Variants in GPLD1 observed in about 807,000 individuals in gnomAD.
GPLD1 encodes the protein phosphatidylinositol-glycan-specific phospholipase D.
GPLD1 carries 84 observed loss-of-function variants against 112.6 expected under a neutral mutation model. The ratio of observed to expected loss-of-function variants is 0.75; its 90% CI spans 0.63 to 0.89. The LOEUF (loss-of-function observed/expected upper bound fraction) is 0.89, where lower values mean the gene tolerates loss of function less well. GPLD1 is among the 40% of genes least tolerant of loss of function. The probability of loss-of-function intolerance (pLI) is 0.00; values close to 1 mark genes in which losing one functional copy is unlikely to be tolerated. For missense variants in GPLD1, 1,044 were observed against 1,051.5 expected (o/e 0.99, Z 0.10); for synonymous variants, 386 against 403.8 (o/e 0.96, Z 0.53).
At position 24,456,509 on chromosome 6, in the gene GPLD1, C is replaced by T. The variant is rs1139464; in HGVS notation, c.1137G>A (p.Ala379=). 12 of 1,606,160 alleles carry T rather than the reference C, an allele frequency of 7.5e-6. No individual in the cohort carries two copies. The highest frequency in any genetic ancestry group is 9.4e-6 in the Non-Finnish European group (11 of 1,175,720). The change falls in exon 13 of 25, where the codon GCG becomes GCA. Residue 379 remains alanine (A), a synonymous_variant. Transcript: ENST00000230036. ...AAACTTATACGTACCAGCCAAGCCTCGCATAAGGAAATGACAAGAAGTAAG... is the reference window on the plus strand; with the variant it reads ...AAACTTATACGTACCAGCCAAGCCTTGCATAAGGAAATGACAAGAAGTAAG... ...LASYFLSFPY[A]RLGWAMTSAD... is the part of the protein sequence containing the mutation.
intron 2 of GPLD1, 69 bp downstream of exon 2, chr6:24,486,006 G>T: frequency 1.1e-6 from 1 of 913,362 alleles, no homozygotes. Context: ...ATATCTGTTA[G>T]GATCTTTGTT....
At position 24,433,384 on chromosome 6, in the gene GPLD1, T is replaced by C. The variant is rs752117928; in HGVS notation, c.2364A>G (p.Gln788=). The change falls in exon 23 of 25, where the codon CAA becomes CAG. Residue 788 remains glutamine, a synonymous_variant. Transcript: ENST00000230036. ...TTACTTCAGGAGAAATCAATACATA[T>C]TGGGCCTGAAGAAAAAAATTGAGGA... The part of the protein sequence containing the change: ...WITPCPEEKA[Q]YVLISPEASS... The C allele has an allele frequency of 8.1e-6, 13 of 1,608,404 alleles. 1 individual carries two copies. Among genetic ancestry groups the C allele is most frequent in the South Asian group, 3.3e-5 (3 of 90,932 alleles).
At chr6:24,429,593 G>T (rs181619833) in intron 24 of GPLD1, among the ~76,000 whole-genome samples, 155 of 152,288 alleles carry the variant, frequency 1.0e-3, no homozygotes, top group African/African-American at 3.5e-3. Flanking sequence ...TGTCACCCAG[G>T]CTGGAGTGCA....
In GPLD1 at chr6:24,436,664, C is replaced by G. The variant is rs766133257; in HGVS notation, c.2270G>C (p.Arg757Pro). Residue 757 changes from arginine (R) to proline (P), a missense_variant, in exon 22 of 25, where the codon CGA (arginine) becomes CCA (proline). Arg to Pro is a moderately radical substitution (Grantham distance 103). Coordinates refer to ENST00000230036, the MANE Select transcript of GPLD1 (RefSeq NM_001503.4). The stretch of plus-strand genomic sequence containing the variant: ...CTCTTTGCCATTATATACATATACT[C>G]GGCCGTCTTCTCCCCCAATCAGTCC... The part of the protein sequence containing the change: ...TSGLIGGEDG[R>P]VYVYNGKETT... The G allele has an allele frequency of 1.2e-6, 2 of 1,613,956 alleles. No homozygotes were observed. The highest frequency in any genetic ancestry group is 1.7e-5 in the Admixed American group (1 of 60,028).
chr6:24,452,880 G>A (rs981114904), intron 14 of GPLD1, among the ~76,000 whole-genome samples: 2 of 151,814 alleles, frequency 1.3e-5, no homozygotes, highest in Non-Finnish European at 2.9e-5. Context: ...CAAGAACCAC[G>A]ACGATCTGAC....
chr6:24,454,296 C>T (rs1277081235), intron 13 of GPLD1, 95 bp from the exon 14 acceptor site: 9 of 802,138 alleles, frequency 1.1e-5, no homozygotes, highest in South Asian at 2.4e-5. Flanking sequence ...AGTCCATTAA[C>T]TTTCTCTCAC....
At chr6:24,442,905 A>G (rs1561833181) in intron 20 of GPLD1, among the ~76,000 whole-genome samples, 1 of 152,138 alleles carries the variant, frequency 6.6e-6, no homozygotes, top group Non-Finnish European at 1.5e-5. Context: ...GGACTTTATC[A>G]TAGGAAAAAA....
chr6:24,495,204 C>G lies in GPLD1; in HGVS notation n.2G>C, dbSNP rs886061268. 4.0e-6 allele frequency: 6 copies of G among 1,507,460 alleles called. No individual in the cohort carries two copies. Among genetic ancestry groups the G allele is most frequent in the Non-Finnish European group, 5.3e-6 (6 of 1,135,852 alleles). The allele number at this position is 1,507,460 out of a possible 1,614,324, so 93.4% of individuals were successfully genotyped here. On this transcript the variant is annotated non_coding_transcript_exon_variant, in exon 1 of 11. Transcript: ENST00000474784. ...CGACAGCTTCGTGGGCGGCCGCTGG[C>G]TCCCGGCCGCCGCCACCTTCCCCGT... is the stretch of plus-strand genomic sequence containing the variant.
Position 24,462,734 on chromosome 6 carries a change from G to T in GPLD1, c.883C>A (p.Gln295Lys), listed in dbSNP as rs188633160. 8.1e-6 allele frequency: 13 copies of T among 1,609,356 alleles called. No homozygotes were observed. Among genetic ancestry groups the T allele is most frequent in the Admixed American group, 5.0e-5 (3 of 60,020 alleles). Residue 295 changes from glutamine to lysine, a missense_variant, in exon 11 of 25, where the codon CAG (glutamine) becomes AAG (lysine). By Grantham distance (53) the Gln-to-Lys change is moderately conservative. Transcript: ENST00000230036. ...IACGGQQNHTQGSKMQKNDFH... is the reference protein window; with the variant it reads ...IACGGQQNHTKGSKMQKNDFH... ...ACAATTTTGGAATCCACTTACCCCT[G>T]GGTGTGGTTTTGCTGGCCGCCACAT...
Position 24,486,149 on chromosome 6 carries a change from TA to T in GPLD1, c.98-20del. The stretch of plus-strand genomic sequence containing the variant: ...CTGTGTCCTGAGAGAAATAAATACA[TA>T]AATCAATTAAGTTCAACTATTACTG... On this transcript the variant is annotated intron_variant, in intron 1 of 24. Transcript: ENST00000230036. 7.0e-7 allele frequency: 1 copy of T among 1,427,900 alleles called. No homozygotes were observed. Among genetic ancestry groups the T allele is most frequent in the Non-Finnish European group, 9.8e-7 (1 of 1,020,730 alleles). The allele number at this position is 1,427,900 out of a possible 1,614,324, so 88.5% of individuals were successfully genotyped here.
chr6:24,431,159 C>G (rs1310378168), intron 24 of GPLD1, among the ~76,000 whole-genome samples: 2 of 152,050 alleles, frequency 1.3e-5, no homozygotes, highest in Non-Finnish European at 2.9e-5. Context: ...ATTTTTAGAC[C>G]TGCCTGTAAA....
rs1762252125 is a variant in GPLD1, at chr6:24,426,781, T to TA, written c.*2250dup. Among the ~76,000 whole-genome samples the TA allele has an allele frequency of 6.6e-6, 1 of 152,190 alleles. No homozygotes were observed. Among genetic ancestry groups the TA allele is most frequent in the South Asian group, 2.1e-4 (1 of 4,834 alleles). ...CCCTAAAAATAACCATCCTTTTAATTAAAAGTAATTCTTCAGATAGGTTGG... is the reference window on the plus strand; with the variant it reads ...CCCTAAAAATAACCATCCTTTTAATTAAAAAGTAATTCTTCAGATAGGTTGG... On this transcript the variant is annotated 3_prime_UTR_variant, in exon 25 of 25. Transcript: ENST00000230036.
At position 24,471,428 on chromosome 6, in the gene GPLD1, G is replaced by A. The variant is rs184559980; in HGVS notation, c.545+1154C>T. Among the ~76,000 whole-genome samples the A allele has an allele frequency of 5.3e-3, 812 of 152,086 alleles. 3 individuals carry two copies. The highest frequency in any genetic ancestry group is 8.2e-3 in the Non-Finnish European group (560 of 68,008). The stretch of plus-strand genomic sequence containing the variant: ...CAGTGACCCAAGATCACACACCACT[G>A]CACTCCAGCCCGAGCCACAGAGTTA... On this transcript the variant is annotated intron_variant, in intron 7 of 24. Transcript: ENST00000230036.
chr6:24,456,903 GC>G (rs1285464541), intron 12 of GPLD1, among the ~76,000 whole-genome samples: 1 of 152,072 alleles, frequency 6.6e-6, no homozygotes, highest in Non-Finnish European at 1.5e-5. Flanking sequence ...AAGAGTTATC[GC>G]TCTGTCACCA....
chr6:24,470,939 A>G (rs947591581), intron 7 of GPLD1, among the ~76,000 whole-genome samples: 1 of 152,188 alleles, frequency 6.6e-6, no homozygotes, highest in Non-Finnish European at 1.5e-5. Context: ...TCATCTCTAG[A>G]TTCAATAAAC....
At chr6:24,491,359 T>C (rs1581796782), upstream of GPLD1, among the ~76,000 whole-genome samples, 1 of 152,302 alleles carries the variant, frequency 6.6e-6, no homozygotes, top group East Asian at 1.9e-4. Context: ...CTAGAAAAGA[T>C]ATCTAACCAT....
At chr6:24,440,986 C>T (rs1772257) in intron 20 of GPLD1, among the ~76,000 whole-genome samples, 68,580 of 151,898 alleles carry the variant, frequency 0.45, 17,540 homozygotes, top group Middle Eastern at 0.59. Context: ...CCAAAATCCA[C>T]GGATGTTCAA....
At chr6:24,489,655 A>G (rs1203705835), upstream of GPLD1, 3 of 1,391,424 alleles carry the variant, frequency 2.2e-6, no homozygotes, top group South Asian at 3.0e-5. Flanking sequence ...TTTCAAAATA[A>G]TATCGTTTTC....
At chr6:24,453,496 C>T (rs1763160236) in intron 14 of GPLD1, among the ~76,000 whole-genome samples, 2 of 152,040 alleles carry the variant, frequency 1.3e-5, no homozygotes, top group Non-Finnish European at 1.5e-5. Context: ...ATTAGCCGGG[C>T]CTGGTGGTGT....
Sources: allele counts gnomAD v4.1 joint callset (sites outside exome capture counted in the v4.1 genomes callset), GRCh38; gene constraint gnomAD v4.1.1; transcripts MANE v1.5; gene names NCBI Gene and HGNC (gene_info 2026-07-23, HGNC 2026-07-21).